NRXN3: variants seen among roughly 807,000 people sequenced by gnomAD.
The protein encoded by NRXN3 is neurexin III.
Under a neutral mutation model 137.6 loss-of-function variants are expected in NRXN3, and 32 were observed. That is an observed-to-expected ratio of 0.23 (90% CI 0.18 to 0.31). The LOEUF is 0.31. NRXN3 is among the 10% of genes least tolerant of loss of function. The probability of loss-of-function intolerance (pLI) is 1.00; values close to 1 mark genes in which losing one functional copy is unlikely to be tolerated. For synonymous variants in NRXN3, 798 were observed against 784.5 expected (o/e 1.02, Z -0.29); for missense variants, 1,574 against 2,062.5 (o/e 0.76, Z 4.59).
chr14:78,357,660 G>A (rs1567352800), intron 4 of NRXN3, among the ~76,000 whole-genome samples: 1 of 152,132 alleles, frequency 6.6e-6, no homozygotes, highest in African/African-American at 2.4e-5. Context: ...AATACAGAAG[G>A]CCTCAATATA....
At chr14:79,609,856 C>T (rs573748872) in intron 16 of NRXN3, among the ~76,000 whole-genome samples, 16 of 151,952 alleles carry the variant, frequency 1.1e-4, no homozygotes, top group African/African-American at 3.9e-4. Flanking sequence ...GAACAGAAAA[C>T]CAAACACCAT....
At chr14:78,684,977 A>T (rs190436379) in intron 6 of NRXN3, among the ~76,000 whole-genome samples, 110 of 152,340 alleles carry the variant, frequency 7.2e-4, no homozygotes, top group Non-Finnish European at 1.2e-3. Context: ...TGCCTAATGT[A>T]TGAAAGGCAG....
At chr14:78,300,768 G>A (rs996687116) in intron 4 of NRXN3, 29 of 953,004 alleles carry the variant, frequency 3.0e-5, no homozygotes, top group East Asian at 1.8e-4. Flanking sequence ...GAGGATTGTC[G>A]ATTCTGAATA....
chr14:78,352,371 C>T (rs2083653304), intron 4 of NRXN3, among the ~76,000 whole-genome samples: 1 of 152,186 alleles, frequency 6.6e-6, no homozygotes. Context: ...GGTCTCTTTC[C>T]TGGCTCTTGC....
At chr14:79,044,942 C>G (rs2099630807) in intron 15 of NRXN3, among the ~76,000 whole-genome samples, 1 of 151,906 alleles carries the variant, frequency 6.6e-6, no homozygotes, top group African/African-American at 2.4e-5. Flanking sequence ...GATTTGCAGC[C>G]CATGCACCAA....
intron 10 of NRXN3, among the ~76,000 whole-genome samples, chr14:78,864,289 C>T (rs937690055): frequency 6.6e-6 from 1 of 151,612 alleles, no homozygotes; most frequent in South Asian, 2.1e-4. Context: ...TATCTTAGGT[C>T]CACCAATCCC....
At chr14:79,049,752 A>AAT (rs1482989076) in intron 15 of NRXN3, among the ~76,000 whole-genome samples, 3 of 152,186 alleles carry the variant, frequency 2.0e-5, no homozygotes, top group Non-Finnish European at 4.4e-5. Context: ...TAAAAAATAC[A>AAT]ATATATATAA....
At chr14:78,183,653 A>G (rs1167641817) in intron 1 of NRXN3, among the ~76,000 whole-genome samples, 1 of 152,212 alleles carries the variant, frequency 6.6e-6, no homozygotes, top group African/African-American at 2.4e-5. Context: ...CCCGTGAGAT[A>G]GAGGTTCCTC....
chr14:79,662,410 C>A (rs221440), intron 16 of NRXN3, among the ~76,000 whole-genome samples: 39,829 of 151,916 alleles, frequency 0.26, 5,548 homozygotes, highest in Middle Eastern at 0.43. Flanking sequence ...CTCATTGTGA[C>A]TACTAGTTCC....
chr14:78,466,937 A>G (rs531484035), intron 4 of NRXN3, among the ~76,000 whole-genome samples: 161 of 152,312 alleles, frequency 1.1e-3, no homozygotes, highest in African/African-American at 3.4e-3. Flanking sequence ...ACAATCCCCC[A>G]TGACACAAGT....
At chr14:78,599,968 C>A (rs1274767295) in intron 4 of NRXN3, among the ~76,000 whole-genome samples, 1 of 152,192 alleles carries the variant, frequency 6.6e-6, no homozygotes, top group Non-Finnish European at 1.5e-5. Flanking sequence ...CACTTCACTG[C>A]ACTGCAAGTC....
At chr14:78,247,157 T>C (rs2067814972) in intron 2 of NRXN3, among the ~76,000 whole-genome samples, 1 of 152,226 alleles carries the variant, frequency 6.6e-6, no homozygotes, top group Non-Finnish European at 1.5e-5. Context: ...TGCTGTTTGC[T>C]TGGCTTGTCT....
intron 15 of NRXN3, among the ~76,000 whole-genome samples, chr14:79,192,225 C>A (rs1433597180): frequency 6.6e-6 from 1 of 152,172 alleles, no homozygotes; most frequent in Non-Finnish European, 1.5e-5. Flanking sequence ...GGTTACTGAT[C>A]ATCTCTAAGT....
chr14:79,660,160 C>T (rs1167514668), intron 16 of NRXN3, among the ~76,000 whole-genome samples: 5 of 152,218 alleles, frequency 3.3e-5, no homozygotes, highest in Non-Finnish European at 5.9e-5. Flanking sequence ...CATGAGCCAG[C>T]GGAGTTGATT....
intron 4 of NRXN3, among the ~76,000 whole-genome samples, chr14:78,532,515 A>G (rs566546843): frequency 5.2e-4 from 79 of 151,072 alleles, no homozygotes; most frequent in African/African-American, 1.9e-3. Context: ...ATTCAAGACC[A>G]GTTCCTTCTC....
At chr14:79,691,643 A>G (rs2098717005) in intron 17 of NRXN3, among the ~76,000 whole-genome samples, 1 of 152,084 alleles carries the variant, frequency 6.6e-6, no homozygotes, top group African/African-American at 2.4e-5. Flanking sequence ...TCAAGGCTTA[A>G]ATTGTCCTCT....
At chr14:79,687,843 T>A (rs2154022121) in intron 17 of NRXN3, among the ~76,000 whole-genome samples, 1 of 152,330 alleles carries the variant, frequency 6.6e-6, no homozygotes, top group South Asian at 2.1e-4. Flanking sequence ...CATTTGTCAA[T>A]GCCTGAATTG....
At chr14:78,699,122 C>A (rs1308239390) in intron 6 of NRXN3, among the ~76,000 whole-genome samples, 1 of 151,964 alleles carries the variant, frequency 6.6e-6, no homozygotes, top group African/African-American at 2.4e-5. Context: ...ACAGACAATT[C>A]CAGCACAATG....
intron 16 of NRXN3, among the ~76,000 whole-genome samples, chr14:79,567,643 G>A (rs556239929): frequency 1.8e-4 from 27 of 151,914 alleles, no homozygotes; most frequent in South Asian, 4.2e-4. Flanking sequence ...CTCCTTCTAC[G>A]TTCGGCATGA....
Sources: gnomAD v4.1 joint callset for allele counts (sites outside exome capture counted in the v4.1 genomes callset) on GRCh38, gnomAD v4.1.1 for gene constraint, MANE v1.5 for transcripts, NCBI Gene and HGNC (gene_info 2026-07-23, HGNC 2026-07-21) for gene names.